IL21R: variants seen among roughly 807,000 people sequenced by gnomAD.
The protein encoded by IL21R is interleukin 21 receptor.
A neutral mutation model predicts 41.3 loss-of-function variants in IL21R; 14 were observed. The observed-to-expected ratio is 0.34, with a 90% confidence interval of 0.22 to 0.53. The LOEUF (loss-of-function observed/expected upper bound fraction) is 0.53. IL21R is among the 20% of genes least tolerant of loss of function. The pLI is 0.94. For synonymous variants in IL21R, 286 were observed against 287.6 expected, an observed-to-expected ratio of 0.99 and a Z score of 0.05; for missense variants, 588 against 681.6, an observed-to-expected ratio of 0.86 and a Z score of 1.53.
chr16:27,435,011 C>T (rs1220969496), intron 3 of IL21R, among the ~76,000 whole-genome samples: 2 of 152,130 alleles, frequency 1.3e-5, no homozygotes, highest in Admixed American at 6.5e-5. Flanking sequence ...GTTTCTAACC[C>T]CAGCACTTTG....
chr16:27,438,832 C>T (rs1486808379), intron 4 of IL21R, among the ~76,000 whole-genome samples: 3 of 152,140 alleles, frequency 2.0e-5, no homozygotes, highest in Admixed American at 6.5e-5. Flanking sequence ...ATCATGCCAC[C>T]GCACTCCAGC....
rs747576724 is a variant in IL21R at position 27,438,170 on chromosome 16, C to T, written c.352+483C>T. Among the ~76,000 whole-genome samples the T allele has an allele frequency of 8.3e-4, 127 of 152,144 alleles. 1 individual carries two copies. Among genetic ancestry groups the T allele is most frequent in the Non-Finnish European group, 1.0e-3 (69 of 68,032 alleles). ...GCTCAGCTCTGCCCATCTGTGTGAC[C>T]ATGGATGAGGCATACCTACCTCTGG... is the stretch of plus-strand genomic sequence containing the variant. On this transcript the variant is annotated intron_variant, in intron 4 of 8. Coordinates refer to ENST00000337929, the MANE Select transcript of IL21R (RefSeq NM_181078.3).
Position 27,405,750 on chromosome 16 carries a change from G to A in IL21R, c.-17+3132G>A, listed in dbSNP as rs547145821. On this transcript the variant is annotated intron_variant, in intron 1 of 8. Transcript: ENST00000337929. ...CCCCCACTCCCTGCCCTGGCCCCAG[G>A]CCAAAGGGACTTTTCATGACAGCTC... Among the ~76,000 whole-genome samples, 19 of 152,296 alleles carry A rather than the reference G, an allele frequency of 1.2e-4. No individual in the cohort carries two copies. The South Asian group carries it at 3.9e-3, about 32-fold the overall frequency.
chr16:27,403,505 C>T (rs2086693339), intron 1 of IL21R, among the ~76,000 whole-genome samples: 5 of 152,130 alleles, frequency 3.3e-5, no homozygotes. Flanking sequence ...GGAAAACCTG[C>T]CAGGTCAAAA....
intron 1 of IL21R, among the ~76,000 whole-genome samples, chr16:27,414,497 T>G (rs2086868363): frequency 6.6e-6 from 1 of 152,090 alleles, no homozygotes; most frequent in Admixed American, 6.5e-5. Context: ...AAGATTGACC[T>G]GTAATTCTAC....
rs3093297 is a variant in IL21R, at chr16:27,429,340, C to G, written c.-16-716C>G. 2.1e-3 allele frequency among the ~76,000 whole-genome samples: 321 copies of G among 152,276 alleles called. 2 individuals are homozygous for G. Among genetic ancestry groups the G allele is most frequent in the African/African-American group, 7.5e-3 (311 of 41,558 alleles). ...CCCCCTTTCCAAACTAGTTTTTTCT[C>G]CTTTTCTCTCTCCCTTCCTCTCTTT... On this transcript the variant is annotated intron_variant, in intron 1 of 8. Transcript: ENST00000337929.
intron 1 of IL21R, chr16:27,427,197 C>A: frequency 1.4e-6 from 1 of 703,628 alleles, no homozygotes; most frequent in Non-Finnish European, 1.7e-6. Flanking sequence ...TTTGATTGGC[C>A]AAGCCTGGGT....
At chr16:27,438,189 C>T (rs971528331) in intron 4 of IL21R, among the ~76,000 whole-genome samples, 4 of 152,162 alleles carry the variant, frequency 2.6e-5, no homozygotes, top group Middle Eastern at 3.2e-3. Flanking sequence ...GGCATACCTA[C>T]CTCTGGGACA....
At chr16:27,447,079 T>C (rs1195757245) in intron 8 of IL21R, among the ~76,000 whole-genome samples, 2 of 152,144 alleles carry the variant, frequency 1.3e-5, no homozygotes, top group African/African-American at 4.8e-5. Flanking sequence ...GAGTGGATGT[T>C]CCACTGCCCC....
chr16:27,447,796 G>A (rs1239530758), intron 8 of IL21R: 1 of 152,374 alleles, frequency 6.6e-6, no homozygotes, highest in African/African-American at 2.4e-5. Context: ...TAAACCAGGA[G>A]AGTGCTAGGT....
intron 3 of IL21R, 150 bp downstream of exon 3, chr16:27,434,599 C>T (rs1012721037): frequency 5.6e-5 from 34 of 607,104 alleles, no homozygotes; most frequent in Middle Eastern, 3.4e-4. Context: ...GTCAGGAGCC[C>T]GCAGGGTTGG....
chr16:27,411,817 T>C (rs1257020336), intron 1 of IL21R, among the ~76,000 whole-genome samples: 1 of 152,196 alleles, frequency 6.6e-6, no homozygotes, highest in Non-Finnish European at 1.5e-5. Context: ...TAGGAGTTCT[T>C]TGTATATTCT....
intron 1 of IL21R, among the ~76,000 whole-genome samples, chr16:27,404,188 G>A (rs2086704069): frequency 6.6e-6 from 1 of 152,162 alleles, no homozygotes; most frequent in Non-Finnish European, 1.5e-5. Flanking sequence ...CGATGCCCCT[G>A]TCCTGCCCGC....
chr16:27,438,929 G>GGTGTGTGTGT (rs60330499), intron 4 of IL21R, among the ~76,000 whole-genome samples: 11 of 149,128 alleles, frequency 7.4e-5, no homozygotes, highest in African/African-American at 2.5e-4. Flanking sequence ...GCTTTGGCAT[G>GGTGTGTGTGT]GTGTGTGTGT....
intron 2 of IL21R, among the ~76,000 whole-genome samples, chr16:27,431,061 AG>A (rs1192336044): frequency 1.3e-5 from 2 of 152,014 alleles, no homozygotes; most frequent in Non-Finnish European, 2.9e-5. Context: ...TTCCTGGAGG[AG>A]GGGGCCATGA....
intron 4 of IL21R, among the ~76,000 whole-genome samples, chr16:27,441,059 A>AG (rs1249868778): frequency 6.6e-6 from 1 of 151,144 alleles, no homozygotes; most frequent in African/African-American, 2.4e-5. Context: ...AAAAAAAAAA[A>AG]AAAAAAAGAA....
chr16:27,439,818 G>T (rs532243318), intron 4 of IL21R, among the ~76,000 whole-genome samples: 1 of 152,086 alleles, frequency 6.6e-6, no homozygotes, highest in Non-Finnish European at 1.5e-5. Flanking sequence ...ACCACCTCCC[G>T]CCGAGGGTCC....
chr16:27,425,295 G>A (rs2087057908), intron 1 of IL21R, among the ~76,000 whole-genome samples: 1 of 152,220 alleles, frequency 6.6e-6, no homozygotes, highest in East Asian at 1.9e-4. Flanking sequence ...GGATGGATTC[G>A]GGGCAGAGAA....
intron 1 of IL21R, among the ~76,000 whole-genome samples, chr16:27,422,747 T>G (rs988349112): frequency 2.0e-5 from 3 of 152,198 alleles, no homozygotes; most frequent in Non-Finnish European, 4.4e-5. Flanking sequence ...TATTGTCTAT[T>G]TTATCTTCAT....
Sources: allele counts gnomAD v4.1 joint callset (sites outside exome capture counted in the v4.1 genomes callset), GRCh38; gene constraint gnomAD v4.1.1; transcripts MANE v1.5; gene names NCBI Gene and HGNC (gene_info 2026-07-23, HGNC 2026-07-21).